Variants in CHST3 observed in about 807,000 individuals in gnomAD.
The protein encoded by CHST3 is C6ST-1.
A neutral mutation model predicts 35.4 loss-of-function variants in CHST3; 20 were observed. The observed-to-expected ratio is 0.57, with a 90% CI of 0.40 to 0.82. The LOEUF (loss-of-function observed/expected upper bound fraction) is 0.82. Ranked by LOEUF, CHST3 falls within the 40% of genes least tolerant of loss-of-function variation. CHST3 has a pLI of 0.00. For missense variants in CHST3, 693 were observed against 670.1 expected (o/e 1.03, Z -0.38); for synonymous variants, 334 against 295.9 (o/e 1.13, Z -1.32).
intron 1 of CHST3, among the ~76,000 whole-genome samples, chr10:72,004,729 T>C (rs550494167): frequency 1.3e-5 from 2 of 152,296 alleles, no homozygotes; most frequent in Non-Finnish European, 2.9e-5. Flanking sequence ...TGTTTCTGAA[T>C]GGGAGCTTGC....
At chr10:71,993,332 C>T (rs982096184) in intron 1 of CHST3, among the ~76,000 whole-genome samples, 6 of 152,174 alleles carry the variant, frequency 3.9e-5, no homozygotes, top group African/African-American at 1.2e-4. Flanking sequence ...TGCAGCAATT[C>T]GCTCATATCT....
At chr10:71,998,597 G>T (rs1359846714) in intron 1 of CHST3, among the ~76,000 whole-genome samples, 1 of 152,232 alleles carries the variant, frequency 6.6e-6, no homozygotes, top group Non-Finnish European at 1.5e-5. Flanking sequence ...AGGCATAAAG[G>T]GCCGAGGGGC....
chr10:72,005,645 A>C (rs1840030983), intron 1 of CHST3, 91 bp from the exon 2 acceptor site: 2 of 654,078 alleles, frequency 3.1e-6, no homozygotes, highest in Admixed American at 2.6e-5. Context: ...GCTGCTAACC[A>C]GGGCCGAGAT....
intron 1 of CHST3, among the ~76,000 whole-genome samples, chr10:71,985,905 C>T (rs1839843194): frequency 6.6e-6 from 1 of 152,152 alleles, no homozygotes; most frequent in African/African-American, 2.4e-5. Context: ...TGACCCTTGG[C>T]AATACTAGTC....
chr10:71,991,213 T>C (rs1839893735), intron 1 of CHST3, among the ~76,000 whole-genome samples: 1 of 152,232 alleles, frequency 6.6e-6, no homozygotes, highest in Admixed American at 6.5e-5. Context: ...GTCTGGGCAA[T>C]GTGGAGGAGC....
At chr10:71,980,855 G>A (rs4148928) in intron 1 of CHST3, among the ~76,000 whole-genome samples, 75,174 of 152,040 alleles carry the variant, frequency 0.49, 19,494 homozygotes, top group Non-Finnish European at 0.58. Flanking sequence ...AGGCATTGTC[G>A]TTGGGATCTT....
chr10:71,971,684 G>GAT (rs1564523938), intron 1 of CHST3, among the ~76,000 whole-genome samples: 1 of 152,056 alleles, frequency 6.6e-6, no homozygotes, highest in Non-Finnish European at 1.5e-5. Context: ...GGCCACCCCC[G>GAT]TCCCCGCACT....
intron 1 of CHST3, among the ~76,000 whole-genome samples, chr10:71,983,110 A>G (rs1204205227): frequency 3.3e-5 from 5 of 152,178 alleles, no homozygotes; most frequent in African/African-American, 1.2e-4. Context: ...AGTTGGAAAG[A>G]TAGGGTGGGC....
At position 72,007,749 on chromosome 10, in the gene CHST3, A is replaced by T. The variant is rs1812783048; in HGVS notation, c.718A>T (p.Lys240Ter). ...EDPVCTPFVKKVFEKYHCKNR... is the reference protein window; with the variant it reads ...EDPVCTPFVK ...CCCCGTCTGTACGCCCTTCGTCAAGAAGGTCTTCGAGAAGTACCACTGCAA... is the reference window on the plus strand; with the variant it reads ...CCCCGTCTGTACGCCCTTCGTCAAGTAGGTCTTCGAGAAGTACCACTGCAA... The change falls in exon 3 of 3, where the codon AAG (lysine) becomes TAG (stop). Residue 240 changes from lysine (K) to a stop codon, truncating the protein, a stop_gained. Coordinates refer to ENST00000373115, the MANE Select transcript of CHST3 (RefSeq NM_004273.5). LOFTEE classifies it high-confidence loss of function. 1.2e-6 allele frequency: 2 copies of T among 1,602,194 alleles called. No homozygotes were observed. The highest frequency in any genetic ancestry group is 1.7e-5 in the Admixed American group (1 of 59,940).
intron 1 of CHST3, among the ~76,000 whole-genome samples, chr10:71,981,930 G>A (rs574817096): frequency 2.3e-4 from 35 of 152,360 alleles, no homozygotes; most frequent in South Asian, 1.7e-3. Context: ...AGCTCTCAGA[G>A]TGATTCTCAT....
chr10:71,977,870 A>C (rs1253959093), intron 1 of CHST3, among the ~76,000 whole-genome samples: 1 of 152,020 alleles, frequency 6.6e-6, no homozygotes, highest in Non-Finnish European at 1.5e-5. Context: ...GGGTTTCATC[A>C]TGTTGGCCAG....
rs1001717157 is a variant in CHST3, at chr10:72,009,552, G to A, written c.*1081G>A. On this transcript the variant is annotated 3_prime_UTR_variant, in exon 3 of 3. Transcript: ENST00000373115. ...CAGCTGTGGTCCCTGGAGGCAAAAG[G>A]CAGCTCACGGGGCCTTCCATTTCCA... 28 of 152,298 alleles carry A rather than the reference G, an allele frequency of 1.8e-4. No homozygotes were observed. The highest frequency in any genetic ancestry group is 6.5e-4 in the African/African-American group (27 of 41,458). 9.4% of individuals were successfully genotyped at this position (152,298 alleles called of 1,614,324 possible).
chr10:72,001,511 G>T, intron 1 of CHST3, among the ~76,000 whole-genome samples: 1 of 151,862 alleles, frequency 6.6e-6, no homozygotes, highest in Non-Finnish European at 1.5e-5. Context: ...TTTACTCTGG[G>T]TGCCTAGGCT....
chr10:72,006,097 C>T lies in CHST3; in HGVS notation c.140+115C>T, dbSNP rs1214593357. On this transcript the variant is annotated intron_variant, in intron 2 of 2. Transcript: ENST00000373115. ...CAAATGCATTCCTTCAACGAGCCAT[C>T]CCCAGGCCCCTTCTATGTCCCAGGC... 8 of 1,318,706 alleles carry T rather than the reference C, an allele frequency of 6.1e-6. No homozygotes were observed. In the East Asian group the frequency reaches 6.9e-5, roughly 11 times the overall value. 81.7% of individuals were successfully genotyped at this position (1,318,706 alleles called of 1,614,324 possible). A position where few individuals can be genotyped will look rare whatever the true frequency, so the allele number is the denominator to read the frequency against.
intron 1 of CHST3, among the ~76,000 whole-genome samples, chr10:71,974,721 T>TCA (rs751490734): frequency 1.1e-4 from 17 of 152,126 alleles, no homozygotes; most frequent in Non-Finnish European, 2.2e-4. Flanking sequence ...CCCTCTATGG[T>TCA]TCTCCTGATG....
At chr10:71,976,765 C>G (rs1265834223) in intron 1 of CHST3, among the ~76,000 whole-genome samples, 1 of 152,194 alleles carries the variant, frequency 6.6e-6, no homozygotes, top group Non-Finnish European at 1.5e-5. Context: ...AATTCAAAGA[C>G]TTGTTAAAAT....
intron 1 of CHST3, among the ~76,000 whole-genome samples, chr10:71,968,316 T>G (rs1045182247): frequency 6.6e-6 from 1 of 152,238 alleles, no homozygotes; most frequent in Admixed American, 6.5e-5. Context: ...TTGTGTCCTT[T>G]GCCCACTTTT....
intron 1 of CHST3, among the ~76,000 whole-genome samples, chr10:72,000,195 G>T (rs1839980266): frequency 6.6e-6 from 1 of 152,152 alleles, no homozygotes; most frequent in South Asian, 2.1e-4. Context: ...TCTTGCAGTA[G>T]GCTCAATGCT....
In CHST3 at chr10:72,008,078, C is replaced by G; in HGVS notation, c.1047C>G (p.Arg349=). The G allele has an allele frequency of 6.5e-7, 1 of 1,545,908 alleles. No individual in the cohort carries two copies. Among genetic ancestry groups the G allele is most frequent in the Non-Finnish European group, 8.7e-7 (1 of 1,144,198 alleles). The change falls in exon 3 of 3, where the codon CGC becomes CGG. Residue 349 remains arginine, a synonymous_variant. Transcript: ENST00000373115. ...TGCGGGGCAACTGCGAGAGCATCCG[C>G]CTGTCCGCGGAGCTGGGGCTGCGGC... ...QRLRGNCESI[R]LSAELGLRQP... is the part of the protein sequence containing the mutation.
Sources: gnomAD v4.1 joint callset for allele counts (sites outside exome capture counted in the v4.1 genomes callset) on GRCh38, gnomAD v4.1.1 for gene constraint, MANE v1.5 for transcripts, NCBI Gene and HGNC (gene_info 2026-07-23, HGNC 2026-07-21) for gene names.